Variants in DIXDC1 observed in about 807,000 individuals in gnomAD.
DIXDC1 encodes the protein dixin.
Under a neutral mutation model 103.1 loss-of-function variants are expected in DIXDC1, and 64 were observed. That is an observed-to-expected ratio of 0.62 (90% CI 0.51 to 0.76). DIXDC1 has a LOEUF of 0.76. Among genes scored for constraint, DIXDC1 ranks in the 30% least tolerant of loss-of-function variants. The probability of loss-of-function intolerance (pLI) is 0.00; values close to 1 mark genes in which losing one functional copy is unlikely to be tolerated. For synonymous variants in DIXDC1, 266 were observed against 298.5 expected (o/e 0.89, Z 1.12); for missense variants, 759 against 834.2 (o/e 0.91, Z 1.11).
At chr11:111,935,262 G>GCAC (rs1293119818), upstream of DIXDC1, among the ~76,000 whole-genome samples, 2 of 152,226 alleles carry the variant, frequency 1.3e-5, no homozygotes, top group Admixed American at 6.5e-5. Context: ...GTGACTGTGA[G>GCAC]CACCTCTCCT....
At chr11:111,988,084 G>A (rs1442768292) in intron 9 of DIXDC1, among the ~76,000 whole-genome samples, 2 of 150,486 alleles carry the variant, frequency 1.3e-5, no homozygotes, top group Admixed American at 1.3e-4. Context: ...CTGCAGCTTC[G>A]ACCCCCCAGT....
rs141374732 is a variant in DIXDC1 at position 112,016,631 on chromosome 11, C to T, written c.1757-60C>T. The T allele has an allele frequency of 2.0e-4, 287 of 1,410,410 alleles. No homozygotes were observed. In the African/African-American group the frequency reaches 3.1e-3, roughly 15 times the overall value. The allele number at this position is 1,410,410 out of a possible 1,614,324, so 87.4% of individuals were successfully genotyped here. A position where few individuals can be genotyped will look rare whatever the true frequency, so the allele number is the denominator to read the frequency against. On this transcript the variant is annotated intron_variant, in intron 17 of 19. Coordinates refer to ENST00000440460, the MANE Select transcript of DIXDC1 (RefSeq NM_001037954.4). ...TGTTCTCCCGGGACACTTTGAATAACTGCAGATGGCTGGTTTAGAGCAAAT... is the reference window on the plus strand; with the variant it reads ...TGTTCTCCCGGGACACTTTGAATAATTGCAGATGGCTGGTTTAGAGCAAAT...
Position 111,995,087 on chromosome 11 carries a change from T to C in DIXDC1, c.1506T>C (p.Ala502=). 1 of 1,613,766 alleles carries C rather than the reference T, an allele frequency of 6.2e-7. No individual in the cohort carries two copies. The highest frequency in any genetic ancestry group is 2.2e-5 in the East Asian group (1 of 44,890). ...GFLLPTAGKG[A]TSVSNRGTSD... The stretch of plus-strand genomic sequence containing the variant: ...TCCTTCCAACGGCAGGAAAAGGAGC[T>C]ACTTCAGTCAGCAACAGAGGGGTAC... The change falls in exon 15 of 20, where the codon GCT becomes GCC. Residue 502 remains alanine, a synonymous_variant. Transcript: ENST00000440460.
chr11:111,933,000 C>T (rs1966079616), upstream of DIXDC1, among the ~76,000 whole-genome samples: 2 of 152,136 alleles, frequency 1.3e-5, no homozygotes, highest in Admixed American at 1.3e-4. Flanking sequence ...GAGGAAAATA[C>T]AGGATACTAA....
rs782541133 is a variant in DIXDC1 at position 111,950,929 on chromosome 11, G to A, written c.60+13370G>A. Among the ~76,000 whole-genome samples, 11 of 152,170 alleles carry A rather than the reference G, an allele frequency of 7.2e-5. No homozygotes were observed. The East Asian group carries it at 1.5e-3, about 21-fold the overall frequency. ...CTTTAAAATGTACAATATTATTGCT[G>A]CCTATAGTCACCCTTCTGTGGAATA... is the stretch of plus-strand genomic sequence containing the variant. On this transcript the variant is annotated intron_variant, in intron 1 of 19. Transcript: ENST00000440460.
chr11:111,929,972 C>T (rs1241835183), intron 2 of DIXDC1: 3 of 1,418,072 alleles, frequency 2.1e-6, no homozygotes, highest in Admixed American at 4.0e-5. Flanking sequence ...CAATACAGTT[C>T]TACTTCTGGG....
intron 17 of DIXDC1, among the ~76,000 whole-genome samples, chr11:112,008,370 C>G (rs1162940875): frequency 1.3e-5 from 2 of 152,116 alleles, no homozygotes; most frequent in African/African-American, 4.8e-5. Flanking sequence ...TAATGGGAGA[C>G]TTTTACACCC....
chr11:111,937,089 GT>G, upstream of DIXDC1: 2 of 358,776 alleles, frequency 5.6e-6, no homozygotes, highest in Non-Finnish European at 7.7e-6. Flanking sequence ...GTGAGTGTGT[GT>G]GTGTGTAGCG....
chr11:111,993,839 T>C, intron 14 of DIXDC1, 99 bp downstream of exon 14: 1 of 1,361,464 alleles, frequency 7.3e-7, no homozygotes. Flanking sequence ...GCTTGTTTGT[T>C]AGGAGGCTCT....
intron 9 of DIXDC1, 119 bp from the exon 10 acceptor site, chr11:111,988,886 G>A: frequency 1.2e-6 from 1 of 801,508 alleles, no homozygotes; most frequent in Middle Eastern, 2.3e-4. Flanking sequence ...TGCCTTAGTA[G>A]AGGGTTAATT....
At chr11:112,008,567 C>G (rs1555176922) in intron 17 of DIXDC1, among the ~76,000 whole-genome samples, 1 of 152,194 alleles carries the variant, frequency 6.6e-6, no homozygotes, top group East Asian at 1.9e-4. Context: ...GTAAAGCACT[C>G]TTCAGCAAAT....
chr11:111,963,511 T>G (rs2137505957), intron 1 of DIXDC1, among the ~76,000 whole-genome samples: 1 of 152,378 alleles, frequency 6.6e-6, no homozygotes, highest in East Asian at 1.9e-4. Context: ...AAGGAAGTAC[T>G]TGGGGCTTAG....
rs1555177394 is a variant in DIXDC1 at position 112,013,323 on chromosome 11, G to GGC, written c.1757-3367_1757-3366insCG. Among the ~76,000 whole-genome samples, 2 of 133,578 alleles carry GGC rather than the reference G, an allele frequency of 1.5e-5. 1 individual carries two copies. The highest frequency in any genetic ancestry group is 5.9e-5 in the African/African-American group (2 of 33,988). The allele number at this position is 133,578 out of a possible 152,430, so 87.6% of individuals were successfully genotyped here. On this transcript the variant is annotated intron_variant, in intron 17 of 19. Coordinates refer to ENST00000440460, the MANE Select transcript of DIXDC1 (RefSeq NM_001037954.4). Reference sequence around the variant, plus strand: ...TATGAAGTTGACGGGTCGGGGGGTGGGGGTGGGGTGGGGGGGGGGAACAAA... The same window carrying GGC: ...TATGAAGTTGACGGGTCGGGGGGTGGGCGGGTGGGGTGGGGGGGGGGAACAAA...
chr11:111,979,982 G>T (rs889648493), intron 5 of DIXDC1, among the ~76,000 whole-genome samples: 2 of 152,130 alleles, frequency 1.3e-5, no homozygotes, highest in Admixed American at 6.5e-5. Context: ...AAAATCTTAA[G>T]AATTGTTGAG....
chr11:111,995,191 C>G (rs182397850), intron 15 of DIXDC1, 83 bp downstream of exon 15: 11 of 1,429,646 alleles, frequency 7.7e-6, no homozygotes, highest in Admixed American at 7.4e-5. Context: ...GTGGATGAGG[C>G]CTTTTATATT....
chr11:111,949,970 A>C lies in DIXDC1; in HGVS notation c.60+12411A>C, dbSNP rs587621754. Among the ~76,000 whole-genome samples, 174 of 151,814 alleles carry C rather than the reference A, an allele frequency of 1.1e-3. 1 individual carries two copies. Among genetic ancestry groups the C allele is most frequent in the African/African-American group, 3.8e-3 (157 of 41,390 alleles). On this transcript the variant is annotated intron_variant, in intron 1 of 19. Transcript: ENST00000440460. Reference sequence around the variant, plus strand: ...TAGCAGCAATCACTTTGTGTCCGTTATTTATGTGCCTGTAAGCACTGACCT... The same window carrying C: ...TAGCAGCAATCACTTTGTGTCCGTTCTTTATGTGCCTGTAAGCACTGACCT...
chr11:112,006,007 G>A (rs1387443757), intron 17 of DIXDC1, among the ~76,000 whole-genome samples: 5 of 152,296 alleles, frequency 3.3e-5, no homozygotes, highest in South Asian at 2.1e-4. Flanking sequence ...AGCGCAAGGC[G>A]TTGGGAGATT....
At chr11:111,982,287 T>C in intron 6 of DIXDC1, 52 bp from the exon 7 acceptor site, 1 of 1,584,012 alleles carries the variant, frequency 6.3e-7, no homozygotes, top group Non-Finnish European at 8.6e-7. Flanking sequence ...CGCTGTCTGC[T>C]GGAAATCAGT....
At chr11:111,954,731 T>C (rs1201700204) in intron 1 of DIXDC1, among the ~76,000 whole-genome samples, 3 of 152,198 alleles carry the variant, frequency 2.0e-5, no homozygotes, top group Non-Finnish European at 4.4e-5. Flanking sequence ...AATGATTTTA[T>C]GTGTATTCAG....
Sources: allele counts gnomAD v4.1 joint callset (sites outside exome capture counted in the v4.1 genomes callset), GRCh38; gene constraint gnomAD v4.1.1; transcripts MANE v1.5; gene names NCBI Gene and HGNC (gene_info 2026-07-23, HGNC 2026-07-21).